The following ZFHX4 variants were observed in gnomAD, a reference collection of about 807,000 sequenced individuals.
ZFHX4 encodes zinc finger homeobox 4.
In ZFHX4, 56 loss-of-function variants were observed where a neutral mutation model predicts 267.6. The observed-to-expected ratio is 0.21, with a 90% confidence interval of 0.17 to 0.26. The LOEUF (loss-of-function observed/expected upper bound fraction) is 0.26. Ranked by LOEUF, ZFHX4 falls within the 10% of genes least tolerant of loss-of-function variation. ZFHX4 has a pLI of 1.00. For synonymous variants in ZFHX4, 1,778 were observed against 1,665.6 expected, an observed-to-expected ratio of 1.07 and a Z score of -1.64; for missense variants, 4,332 against 4,420.0, an observed-to-expected ratio of 0.98 and a Z score of 0.56.
intron 3 of ZFHX4, among the ~76,000 whole-genome samples, chr8:76,766,133 C>T (rs1247301788): frequency 6.7e-6 from 1 of 149,712 alleles, no homozygotes; most frequent in Non-Finnish European, 1.5e-5. Flanking sequence ...ATAATAGTAC[C>T]ACCACATTTT....
intron 1 of ZFHX4, among the ~76,000 whole-genome samples, chr8:76,688,959 T>C (rs1294549436): frequency 6.6e-6 from 1 of 152,124 alleles, no homozygotes; most frequent in Non-Finnish European, 1.5e-5. Context: ...TCACAAGTAT[T>C]TTTACATAAA....
chr8:76,834,114 G>A, intron 5 of ZFHX4: 2 of 450,046 alleles, frequency 4.4e-6, no homozygotes, highest in South Asian at 1.6e-5. Context: ...GTCTTCATAT[G>A]TCACAGCTTA....
chr8:76,800,996 C>T (rs1463050784), intron 4 of ZFHX4, among the ~76,000 whole-genome samples: 1 of 152,126 alleles, frequency 6.6e-6, no homozygotes, highest in Non-Finnish European at 1.5e-5. Context: ...CAGCAATTGT[C>T]ATTTTAGAAA....
intron 3 of ZFHX4, among the ~76,000 whole-genome samples, chr8:76,742,011 T>C (rs1449380868): frequency 6.6e-6 from 1 of 152,236 alleles, no homozygotes; most frequent in Non-Finnish European, 1.5e-5. Context: ...TCCAGTTGTA[T>C]TGTTATGTGG....
intron 3 of ZFHX4, among the ~76,000 whole-genome samples, chr8:76,730,871 G>A (rs182887071): frequency 5.9e-5 from 9 of 152,232 alleles, no homozygotes; most frequent in African/African-American, 2.2e-4. Flanking sequence ...TAAGTTCTAT[G>A]TAGCGAGGAA....
intron 4 of ZFHX4, among the ~76,000 whole-genome samples, chr8:76,787,319 A>G (rs1810717324): frequency 1.3e-5 from 2 of 152,138 alleles, no homozygotes; most frequent in Admixed American, 6.5e-5. Context: ...TGACTATAGA[A>G]AAAGAGAGTC....
chr8:76,808,500 G>A lies in ZFHX4; in HGVS notation c.3326-24838G>A, dbSNP rs189375651. 4.2e-3 allele frequency among the ~76,000 whole-genome samples: 641 copies of A among 152,236 alleles called. 7 individuals carry two copies. Among genetic ancestry groups the A allele is most frequent in the African/African-American group, 0.014 (597 of 41,534 alleles). Reference sequence around the variant, plus strand: ...CGAGTTAAAGGCTGATGACGCTAACGAATCCCAGCGCAAATGACTGAATCG... The same window carrying A: ...CGAGTTAAAGGCTGATGACGCTAACAAATCCCAGCGCAAATGACTGAATCG... On this transcript the variant is annotated intron_variant, in intron 4 of 10. Transcript: ENST00000651372.
Position 76,864,468 on chromosome 8 carries a change from T to C in ZFHX4, c.10754T>C (p.Leu3585Pro). 6.2e-7 allele frequency: 1 copy of C among 1,613,690 alleles called. No individual in the cohort carries two copies. The highest frequency in any genetic ancestry group is 8.5e-7 in the Non-Finnish European group (1 of 1,179,820). ...DESDSELSQK[L>P]EDLDNSLEVK... is the part of the protein sequence containing the mutation. ...TCTGACAGTGAGCTGAGCCAGAAGC[T>C]AGAAGACTTAGATAATTCTTTGGAA... Residue 3585 changes from leucine to proline, a missense_variant, in exon 11 of 11, where the codon CTA becomes CCA. Transcript: ENST00000651372.
chr8:76,825,312 T>C (rs1171275226), intron 4 of ZFHX4, among the ~76,000 whole-genome samples: 1 of 152,222 alleles, frequency 6.6e-6, no homozygotes, highest in Non-Finnish European at 1.5e-5. Flanking sequence ...CTTTCACATA[T>C]AGAATCCTGA....
chr8:76,759,033 C>T (rs542330761), intron 3 of ZFHX4, among the ~76,000 whole-genome samples: 3 of 152,034 alleles, frequency 2.0e-5, no homozygotes, highest in African/African-American at 7.2e-5. Flanking sequence ...AAATCATTTC[C>T]AAAATGACTT....
chr8:76,830,096 T>C (rs1251095678), intron 4 of ZFHX4, among the ~76,000 whole-genome samples: 1 of 152,144 alleles, frequency 6.6e-6, no homozygotes, highest in Admixed American at 6.5e-5. Context: ...TCACTTGCTA[T>C]GGGTGTCATA....
At chr8:76,779,951 A>G (rs1193609639) in intron 4 of ZFHX4, among the ~76,000 whole-genome samples, 2 of 152,292 alleles carry the variant, frequency 1.3e-5, no homozygotes, top group Non-Finnish European at 1.5e-5. Flanking sequence ...TTGGATAAGA[A>G]TATTTTTGCT....
At position 76,863,311 on chromosome 8, in the gene ZFHX4, G is replaced by A. The variant is rs564610549; in HGVS notation, c.9597G>A (p.Val3199=). The stretch of plus-strand genomic sequence containing the variant: ...AAAAGCAAACTAAGCCAAACAAGGT[G>A]AAAAAAATCAAAGAGGAGGAATTAG... The part of the protein sequence containing the change: ...SEKKQTKPNK[V]KKIKEEELEA... Residue 3199 remains valine, a synonymous_variant, in exon 11 of 11, where the codon GTG becomes GTA. Coordinates refer to ENST00000651372, the MANE Select transcript of ZFHX4 (RefSeq NM_024721.5). The A allele has an allele frequency of 2.5e-6, 4 of 1,612,508 alleles. No individual in the cohort carries two copies. In the African/African-American group the frequency reaches 4.0e-5, roughly 16 times the overall value.
At chr8:76,794,872 A>G (rs895472352) in intron 4 of ZFHX4, among the ~76,000 whole-genome samples, 158 of 133,062 alleles carry the variant, frequency 1.2e-3, no homozygotes, top group African/African-American at 4.5e-3. Flanking sequence ...CTGGCCTGTC[A>G]TTGTGTGTGT....
intron 4 of ZFHX4, among the ~76,000 whole-genome samples, chr8:76,819,921 T>G (rs1416620494): frequency 6.6e-6 from 1 of 152,150 alleles, no homozygotes; most frequent in African/African-American, 2.4e-5. Flanking sequence ...TCTAGAGTAT[T>G]TAGGGTGATA....
At chr8:76,825,314 GA>G (rs1464961820) in intron 4 of ZFHX4, among the ~76,000 whole-genome samples, 1 of 152,122 alleles carries the variant, frequency 6.6e-6, no homozygotes, top group Non-Finnish European at 1.5e-5. Flanking sequence ...TTCACATATA[GA>G]ATCCTGAATG....
intron 4 of ZFHX4, among the ~76,000 whole-genome samples, chr8:76,797,882 CTG>C (rs755674519): frequency 1.5e-5 from 2 of 135,570 alleles, no homozygotes; most frequent in African/African-American, 5.9e-5. Flanking sequence ...GGGTGTGTGT[CTG>C]TATGTGTGTG....
At chr8:76,824,962 A>T (rs1051349285) in intron 4 of ZFHX4, among the ~76,000 whole-genome samples, 1 of 152,168 alleles carries the variant, frequency 6.6e-6, no homozygotes, top group Non-Finnish European at 1.5e-5. Flanking sequence ...GGATTTACTT[A>T]AAAAAATAAC....
intron 4 of ZFHX4, among the ~76,000 whole-genome samples, chr8:76,821,810 G>T (rs1218830318): frequency 6.6e-6 from 1 of 152,148 alleles, no homozygotes; most frequent in Admixed American, 6.5e-5. Flanking sequence ...TCTTGCATCT[G>T]GTTGTAGACT....
Sources: gnomAD v4.1 joint callset for allele counts (sites outside exome capture counted in the v4.1 genomes callset) on GRCh38, gnomAD v4.1.1 for gene constraint, MANE v1.5 for transcripts, NCBI Gene and HGNC (gene_info 2026-07-23, HGNC 2026-07-21) for gene names.